The following NEK2 variants were observed in gnomAD, a reference collection of about 807,000 sequenced individuals.
NEK2 encodes NIMA related kinase 2.
In NEK2, 28 loss-of-function variants were observed where a neutral mutation model predicts 54.1. That is an observed-to-expected ratio of 0.52 (90% CI 0.38 to 0.71). The LOEUF (loss-of-function observed/expected upper bound fraction) is 0.71, where lower values mean the gene tolerates loss of function less well. NEK2 is among the 30% of genes least tolerant of loss of function. The pLI is 0.00. For missense variants in NEK2, 407 were observed against 531.5 expected (o/e 0.77, Z 2.30); for synonymous variants, 176 against 193.1 (o/e 0.91, Z 0.73).
At chr1:211,675,331 C>A (rs898861731) in intron 1 of NEK2, 53 bp downstream of exon 1, 4 of 1,545,906 alleles carry the variant, frequency 2.6e-6, no homozygotes, top group South Asian at 2.2e-5. Flanking sequence ...GGCGCTCGCC[C>A]CGAGGCGACG....
intron 6 of NEK2, 118 bp from the exon 7 acceptor site, chr1:211,667,349 G>A: frequency 1.0e-6 from 1 of 955,592 alleles, no homozygotes; most frequent in South Asian, 2.1e-5. Flanking sequence ...GCAATGTTTG[G>A]GGAAAGGATT....
Position 211,675,585 on chromosome 1 carries a change from C to G in NEK2, c.-106G>C. ...GGACCTGGATGGAGAAGCCCCCGAG[C>G]AGCACTGACCCGCCACCCCTGCCTT... On this transcript the variant is annotated 5_prime_UTR_variant, in exon 1 of 8. Coordinates refer to ENST00000366999, the MANE Select transcript of NEK2 (RefSeq NM_002497.4). The G allele has an allele frequency of 1.2e-6, 1 of 837,470 alleles. No homozygotes were observed. Among genetic ancestry groups the G allele is most frequent in the Non-Finnish European group, 1.9e-6 (1 of 519,062 alleles). 51.9% of individuals were successfully genotyped at this position (837,470 alleles called of 1,614,324 possible).
At chr1:211,659,225 GA>G (rs60196312), downstream of NEK2, among the ~76,000 whole-genome samples, 60,548 of 149,064 alleles carry the variant, frequency 0.41, 12,878 homozygotes, top group Non-Finnish European at 0.48. Flanking sequence ...ACATAAAACA[GA>G]AAAAAAAAAG....
At chr1:211,660,216 C>A, downstream of NEK2, 1 of 319,856 alleles carries the variant, frequency 3.1e-6, no homozygotes, top group Non-Finnish European at 6.3e-6. Context: ...AGATTTTGCA[C>A]GCCAGCCCCA....
intron 6 of NEK2, among the ~76,000 whole-genome samples, chr1:211,668,415 C>T (rs554840630): frequency 6.6e-6 from 1 of 152,200 alleles, no homozygotes; most frequent in African/African-American, 2.4e-5. Flanking sequence ...AGTTAATACT[C>T]ATAAGTCAAT....
At chr1:211,661,350 C>G, downstream of NEK2, 1 of 409,980 alleles carries the variant, frequency 2.4e-6, no homozygotes, top group Non-Finnish European at 4.6e-6. Context: ...ATCTACTCAT[C>G]TAATTTTCTA....
chr1:211,659,833 C>T (rs547531857), downstream of NEK2, among the ~76,000 whole-genome samples: 3 of 119,518 alleles, frequency 2.5e-5, no homozygotes, highest in South Asian at 9.9e-4. Context: ...ACCCACCTGC[C>T]CTTTAAGAGA....
intron 6 of NEK2, among the ~76,000 whole-genome samples, chr1:211,668,053 A>C (rs1655234235): frequency 6.6e-6 from 1 of 152,196 alleles, no homozygotes; most frequent in Non-Finnish European, 1.5e-5. Context: ...TCTCAAAAAA[A>C]AAAAAGAAAA....
Position 211,674,394 on chromosome 1 carries a change from A to G in NEK2, c.216T>C (p.Asp72=). The G allele has an allele frequency of 6.2e-7, 1 of 1,614,142 alleles. No homozygotes were observed. Among genetic ancestry groups the G allele is most frequent in the Non-Finnish European group, 8.5e-7 (1 of 1,179,998 alleles). ...TTGTATTGGTCCGGTCAATAATCCG[A>G]TCATAGTAACGAACGATGTTTGGAT... ...LKHPNIVRYY[D]RIIDRTNTTL... The change falls in exon 2 of 8, where the codon GAT becomes GAC. Residue 72 remains aspartate (D), a synonymous_variant. Coordinates refer to ENST00000366999, the MANE Select transcript of NEK2 (RefSeq NM_002497.4).
rs1260865772 is a variant in NEK2 at position 211,675,503 on chromosome 1, G to A, written c.-24C>T. 6 of 1,600,782 alleles carry A rather than the reference G, an allele frequency of 3.7e-6. No individual in the cohort carries two copies. Among genetic ancestry groups the A allele is most frequent in the Non-Finnish European group, 4.3e-6 (5 of 1,169,814 alleles). ...ATGGCCGGCCAGTCGCCAGAGTCGC[G>A]CTGCCTCACGCAGGTTGCGCCGCCA... On this transcript the variant is annotated 5_prime_UTR_variant, in exon 1 of 8. Coordinates refer to ENST00000366999, the MANE Select transcript of NEK2 (RefSeq NM_002497.4).
intron 5 of NEK2, among the ~76,000 whole-genome samples, chr1:211,669,882 C>A (rs1245942420): frequency 1.3e-5 from 2 of 152,138 alleles, no homozygotes; most frequent in Admixed American, 1.3e-4. Context: ...CGCCCTCCAT[C>A]ACCCCTCCCC....
At chr1:211,658,582 C>A, downstream of NEK2, 1 of 441,476 alleles carries the variant, frequency 2.3e-6, no homozygotes, top group South Asian at 1.6e-5. Context: ...AGTTCAAGAC[C>A]ATCCTGGGCA....
At chr1:211,666,958 C>T (rs1363813289) in intron 7 of NEK2, 148 bp downstream of exon 7, 1 of 1,458,596 alleles carries the variant, frequency 6.9e-7, no homozygotes, top group Admixed American at 3.0e-5. Flanking sequence ...AATTTTGTTT[C>T]CATTGAAATG....
chr1:211,669,980 T>G (rs1254793944), intron 5 of NEK2, among the ~76,000 whole-genome samples: 3 of 152,212 alleles, frequency 2.0e-5, no homozygotes, highest in South Asian at 4.1e-4. Context: ...CCTGCCACTG[T>G]GAGGTAGGCA....
In NEK2 at chr1:211,675,331, C is replaced by G. The variant is rs898861731; in HGVS notation, c.96+53G>C. ...CCTTCGGTGGCGCAGGGCGCTCGCC[C>G]CGAGGCGACGAAACCTAAGCAGGGG... On this transcript the variant is annotated intron_variant, in intron 1 of 7. Transcript: ENST00000366999. 4 of 1,545,906 alleles carry G rather than the reference C, an allele frequency of 2.6e-6. No individual in the cohort carries two copies. The African/African-American group carries it at 5.4e-5, about 21-fold the overall frequency.
intron 3 of NEK2, 83 bp downstream of exon 3, chr1:211,673,400 C>G (rs145824824): frequency 6.6e-7 from 1 of 1,525,874 alleles, no homozygotes; most frequent in Non-Finnish European, 9.0e-7. Context: ...GGCAACAGAG[C>G]GAGACTCTGT....
intron 6 of NEK2, 26 bp downstream of exon 6, chr1:211,669,087 T>C (rs771898520): frequency 5.6e-6 from 9 of 1,601,404 alleles, no homozygotes; most frequent in African/African-American, 1.3e-5. Context: ...TAGTTCTCCT[T>C]TGCTTTGACC....
downstream of NEK2, among the ~76,000 whole-genome samples, chr1:211,659,066 C>T (rs1331916201): frequency 6.6e-6 from 1 of 152,158 alleles, no homozygotes; most frequent in African/African-American, 2.4e-5. Context: ...TGACAATGTA[C>T]TTTCATGGAG....
chr1:211,661,420 A>T, downstream of NEK2: 1 of 297,744 alleles, frequency 3.4e-6, no homozygotes, highest in Non-Finnish European at 6.4e-6. Flanking sequence ...TTTGAAATTC[A>T]CTTTTAGAAG....
Sources: gnomAD v4.1 joint callset for allele counts (sites outside exome capture counted in the v4.1 genomes callset) on GRCh38, gnomAD v4.1.1 for gene constraint, MANE v1.5 for transcripts, NCBI Gene and HGNC (gene_info 2026-07-23, HGNC 2026-07-21) for gene names.